The following SCUBE1 variants were observed in gnomAD, a reference collection of about 807,000 sequenced individuals.
SCUBE1 encodes signal peptide, CUB and EGF-like domain-containing protein 1.
SCUBE1 carries 59 observed loss-of-function variants against 124.4 expected under a neutral mutation model. The observed-to-expected ratio is 0.47, with a 90% CI of 0.38 to 0.59. SCUBE1 has a LOEUF of 0.59. Ranked by LOEUF, SCUBE1 falls within the 20% of genes least tolerant of loss-of-function variation. The pLI is 0.00. For missense variants in SCUBE1, 1,150 were observed against 1,371.2 expected (o/e 0.84, Z 2.55); for synonymous variants, 545 against 550.9 (o/e 0.99, Z 0.15).
chr22:43,233,393 G>C (rs183568618), intron 7 of SCUBE1: 80 of 152,318 alleles, frequency 5.3e-4, no homozygotes, highest in Non-Finnish European at 9.8e-4. Context: ...AATCAGTGCT[G>C]CCTTTCACGA....
At chr22:43,267,599 A>G (rs1210911691) in intron 4 of SCUBE1, among the ~76,000 whole-genome samples, 1 of 152,032 alleles carries the variant, frequency 6.6e-6, no homozygotes, top group Non-Finnish European at 1.5e-5. Context: ...AAGAGACCCC[A>G]GCACTAGCAG....
chr22:43,231,993 C>T (rs952274364), intron 7 of SCUBE1, 118 bp from the exon 8 acceptor site: 1 of 1,258,638 alleles, frequency 7.9e-7, no homozygotes, highest in East Asian at 2.5e-5. Flanking sequence ...CTGGTGCCCA[C>T]TTCCCAAGCT....
Position 43,255,040 on chromosome 22 carries a change from G to A in SCUBE1, c.727+3179C>T, listed in dbSNP as rs946348406. On this transcript the variant is annotated intron_variant, in intron 6 of 21. Coordinates refer to ENST00000360835, the MANE Select transcript of SCUBE1 (RefSeq NM_173050.5). The surrounding 1 kb of genome is among the most constrained non-coding windows in gnomAD (Gnocchi z 4.7). ...GGTAAGGACTCTCCTGCCCTGACCC[G>A]TCTACTCAAATGCCCTCTTTTGTGG... Among the ~76,000 whole-genome samples the A allele has an allele frequency of 7.9e-5, 12 of 152,148 alleles. No individual in the cohort carries two copies. Among genetic ancestry groups the A allele is most frequent in the African/African-American group, 1.4e-4 (6 of 41,430 alleles).
intron 2 of SCUBE1, among the ~76,000 whole-genome samples, chr22:43,331,875 A>C (rs6003158): frequency 0.41 from 62,346 of 152,078 alleles, 14,876 homozygotes; most frequent in African/African-American, 0.65. Context: ...GCCGGGGATG[A>C]ACACGCTTAG....
At chr22:43,207,924 C>T in intron 20 of SCUBE1, 148 bp downstream of exon 20, 1 of 939,972 alleles carries the variant, frequency 1.1e-6, no homozygotes, top group Non-Finnish European at 1.7e-6. Flanking sequence ...GCCTGTCTGG[C>T]TCTGGCCCCT....
At position 43,245,421 on chromosome 22, in the gene SCUBE1, C is replaced by T. The variant is rs541841971; in HGVS notation, c.728-6467G>A. On this transcript the variant is annotated intron_variant, in intron 6 of 21. Transcript: ENST00000360835. ...TCTGCCCCAGGGCTGCCTGGGGACA[C>T]GCTGGTGACAGTGCATGCAGGTGGT... Among the ~76,000 whole-genome samples the T allele has an allele frequency of 3.9e-5, 6 of 152,298 alleles. No individual in the cohort carries two copies. The East Asian group carries it at 7.7e-4, about 20-fold the overall frequency.
At chr22:43,248,059 G>T (rs1258661263) in intron 6 of SCUBE1, among the ~76,000 whole-genome samples, 1 of 152,246 alleles carries the variant, frequency 6.6e-6, no homozygotes, top group Non-Finnish European at 1.5e-5. Flanking sequence ...TGCCAAAGAG[G>T]GCTCTGGCCG....
At chr22:43,304,405 G>T (rs1253533264) in intron 3 of SCUBE1, among the ~76,000 whole-genome samples, 1 of 152,256 alleles carries the variant, frequency 6.6e-6, no homozygotes, top group Non-Finnish European at 1.5e-5. Flanking sequence ...GGAAAGAGAG[G>T]TGGTGAGGAC....
At chr22:43,219,665 G>T (rs1050445546) in intron 14 of SCUBE1, among the ~76,000 whole-genome samples, 2 of 151,982 alleles carry the variant, frequency 1.3e-5, no homozygotes, top group African/African-American at 4.8e-5. Context: ...GTAGAGACAG[G>T]GTTTCACCAT....
intron 3 of SCUBE1, among the ~76,000 whole-genome samples, chr22:43,296,270 A>G (rs1925556157): frequency 6.6e-6 from 1 of 152,234 alleles, no homozygotes; most frequent in South Asian, 2.1e-4. Context: ...CCTGACACGC[A>G]GAGTGTCCCA....
intron 3 of SCUBE1, among the ~76,000 whole-genome samples, chr22:43,309,292 C>A (rs1333421714): frequency 6.6e-6 from 1 of 152,230 alleles, no homozygotes; most frequent in Non-Finnish European, 1.5e-5. Context: ...TGCATCATCT[C>A]TGTCAAATAA....
At chr22:43,230,326 C>A (rs1046835848) in intron 8 of SCUBE1, among the ~76,000 whole-genome samples, 3 of 152,104 alleles carry the variant, frequency 2.0e-5, no homozygotes, top group African/African-American at 7.2e-5. Flanking sequence ...CCAAGGGGGA[C>A]TGGGGTGGTG....
At chr22:43,298,823 C>G (rs994840667) in intron 3 of SCUBE1, among the ~76,000 whole-genome samples, 2 of 152,102 alleles carry the variant, frequency 1.3e-5, no homozygotes, top group Non-Finnish European at 2.9e-5. Context: ...GAGGCTGAGG[C>G]GGGCGGATCA....
chr22:43,320,143 G>C (rs1926495886), intron 2 of SCUBE1, 78 bp from the exon 3 acceptor site: 1 of 1,551,460 alleles, frequency 6.4e-7, no homozygotes, highest in Non-Finnish European at 8.8e-7. Context: ...AAGCCACCGG[G>C]ATCTGAGTGA....
intron 2 of SCUBE1, among the ~76,000 whole-genome samples, chr22:43,334,018 A>G (rs1926983005): frequency 6.6e-6 from 1 of 152,212 alleles, no homozygotes; most frequent in Non-Finnish European, 1.5e-5. Context: ...TTCTTATCAC[A>G]GCAAAGAGCA....
At position 43,319,143 on chromosome 22, in the gene SCUBE1, C is replaced by T. The variant is rs115536734; in HGVS notation, c.349+794G>A. Among the ~76,000 whole-genome samples, 324 of 152,298 alleles carry T rather than the reference C, an allele frequency of 2.1e-3. 2 individuals are homozygous for T. The highest frequency in any genetic ancestry group is 7.5e-3 in the African/African-American group (311 of 41,560). On this transcript the variant is annotated intron_variant, in intron 3 of 21. Transcript: ENST00000360835. ...TCCTTTGTTGAAGGAATTCAACACC[C>T]AGTACCTCAAAACGTGACTGTATTT...
intron 9 of SCUBE1, among the ~76,000 whole-genome samples, chr22:43,228,399 TC>T (rs1229352030): frequency 6.6e-6 from 1 of 152,176 alleles, no homozygotes; most frequent in Non-Finnish European, 1.5e-5. Context: ...GATTCCACTC[TC>T]CTTTCCATGT....
intron 6 of SCUBE1, among the ~76,000 whole-genome samples, chr22:43,256,907 A>T (rs1481034742): frequency 2.0e-5 from 3 of 152,244 alleles, no homozygotes; most frequent in Admixed American, 6.5e-5. Context: ...TTTGGCTTTT[A>T]ATTCTTTTTT....
chr22:43,279,225 T>C (rs897845158), intron 4 of SCUBE1, among the ~76,000 whole-genome samples: 1 of 152,130 alleles, frequency 6.6e-6, no homozygotes, highest in African/African-American at 2.4e-5. Flanking sequence ...TCAGGTAACC[T>C]TTGTCAAGGA....
Sources: allele counts gnomAD v4.1 joint callset (sites outside exome capture counted in the v4.1 genomes callset), GRCh38; gene constraint gnomAD v4.1.1; non-coding constraint Gnocchi (gnomAD v3.1); transcripts MANE v1.5; gene names NCBI Gene and HGNC (gene_info 2026-07-23, HGNC 2026-07-21).